Variants in NT5C2 observed in about 807,000 individuals in gnomAD.
The protein encoded by NT5C2 is 5'-nucleotidase, cytosolic II, also known as cytosolic purine 5'-nucleotidase.
NT5C2 carries 58 observed loss-of-function variants against 76.1 expected under a neutral mutation model. The ratio of observed to expected loss-of-function variants is 0.76; its 90% CI spans 0.62 to 0.95. NT5C2 has a LOEUF of 0.95. Ranked by LOEUF, NT5C2 falls within the 40% of genes least tolerant of loss-of-function variation. The pLI is 0.00. For synonymous variants in NT5C2, 229 were observed against 237.4 expected (o/e 0.96, Z 0.32); for missense variants, 478 against 690.3 (o/e 0.69, Z 3.45).
At chr10:103,183,262 GATATATATATATATATATATAT>G (rs201371414) in intron 1 of NT5C2, among the ~76,000 whole-genome samples, 13 of 73,342 alleles carry the variant, frequency 1.8e-4, no homozygotes, top group Admixed American at 1.6e-3. Flanking sequence ...GTGTGTGTGT[GATATATATATATATATATATAT>G]ATATATATAT....
chr10:103,113,592 A>T (rs915863516), intron 4 of NT5C2, among the ~76,000 whole-genome samples: 2 of 152,196 alleles, frequency 1.3e-5, no homozygotes, highest in African/African-American at 4.8e-5. Context: ...ACAGTGTACC[A>T]GGTACTAGAA....
rs2066227428 is a variant in NT5C2, at chr10:103,089,826, G to C, written c.1532C>G (p.Ser511Ter). The C allele has an allele frequency of 6.2e-7, 1 of 1,613,992 alleles. No individual in the cohort carries two copies. The highest frequency in any genetic ancestry group is 8.5e-7 in the Non-Finnish European group (1 of 1,180,022). The change falls in exon 19 of 19, where the codon TCA (serine) becomes TGA (stop). Residue 511 changes from serine to a stop codon, truncating the protein, a stop_gained. Transcript: ENST00000404739. LOFTEE classifies it high-confidence loss of function. ...GTAGTCAGTGTCTTTGAAATCCACT[G>C]ATGTGCGGTTCCGGGTGGCAAGAGG... ...ESPLATRNRT[S>*]VDFKDTDYKR... is the part of the protein sequence containing the mutation.
In NT5C2 at chr10:103,101,083, G is replaced by A. The variant is rs1308020986; in HGVS notation, c.501C>T (p.Cys167=). 1.3e-6 allele frequency: 2 copies of A among 1,588,596 alleles called. No individual in the cohort carries two copies. Among genetic ancestry groups the A allele is most frequent in the South Asian group, 1.1e-5 (1 of 90,602 alleles). ...FNLPETYLLA[C]LVDFFTNCPR... Reference sequence around the variant, plus strand: ...GACAATTAGTAAAAAAATCTACTAGGCAGGCCAACAGGTAGGTCTCTGAAA... The same window carrying A: ...GACAATTAGTAAAAAAATCTACTAGACAGGCCAACAGGTAGGTCTCTGAAA... The change falls in exon 8 of 19, where the codon TGC becomes TGT. Residue 167 remains cysteine (C), a synonymous_variant. Coordinates refer to ENST00000404739, the MANE Select transcript of NT5C2 (RefSeq NM_001351169.2).
rs188189733 is a variant in NT5C2 at position 103,114,031 on chromosome 10, G to A, written c.176-7325C>T. On this transcript the variant is annotated intron_variant, in intron 4 of 18. Transcript: ENST00000404739. ...AGGAAGTGGCTACTCAAGTGTAGCT[G>A]ACTTCCCTGAGGGAATGGGAGCCAA... Among the ~76,000 whole-genome samples the A allele has an allele frequency of 6.6e-5, 10 of 152,356 alleles. No individual in the cohort carries two copies. In the East Asian group the frequency reaches 1.9e-3, roughly 29 times the overall value.
intron 16 of NT5C2, 21 bp from the exon 17 acceptor site, chr10:103,091,017 CAG>C (rs754284835): frequency 1.2e-6 from 2 of 1,607,298 alleles, no homozygotes; most frequent in African/African-American, 1.3e-5. Flanking sequence ...AAGAAAAACT[CAG>C]TGAAAATCTC....
chr10:103,157,058 CTT>C (rs1020127000), intron 3 of NT5C2, among the ~76,000 whole-genome samples: 14 of 148,908 alleles, frequency 9.4e-5, no homozygotes, highest in Admixed American at 3.4e-4. Context: ...GTATATTACT[CTT>C]ATATATATTA....
In NT5C2 at chr10:103,088,986, T is replaced by G; in HGVS notation, c.*686A>C. 1 of 209,524 alleles carries G rather than the reference T, an allele frequency of 4.8e-6. No individual in the cohort carries two copies. The highest frequency in any genetic ancestry group is 7.3e-5 in the East Asian group (1 of 13,756). 13.0% of individuals were successfully genotyped at this position (209,524 alleles called of 1,614,324 possible). ...GATTTATCACAGATAAGAAGGAGGT[T>G]GTTTTTGGATAACAAATAAGCATTT... On this transcript the variant is annotated 3_prime_UTR_variant, in exon 19 of 19. Coordinates refer to ENST00000404739, the MANE Select transcript of NT5C2 (RefSeq NM_001351169.2).
intron 6 of NT5C2, among the ~76,000 whole-genome samples, chr10:103,103,195 T>C (rs1311582410): frequency 6.6e-6 from 1 of 152,222 alleles, no homozygotes; most frequent in Non-Finnish European, 1.5e-5. Flanking sequence ...CCTGGATTAA[T>C]TCCTGCCTGG....
intron 3 of NT5C2, among the ~76,000 whole-genome samples, chr10:103,154,596 G>A (rs973589966): frequency 2.0e-5 from 3 of 152,098 alleles, no homozygotes; most frequent in South Asian, 2.1e-4. Flanking sequence ...AAGCCTGAGC[G>A]TTTTAATCTA....
intron 4 of NT5C2, among the ~76,000 whole-genome samples, chr10:103,107,672 A>T (rs2071677813): frequency 6.9e-6 from 1 of 144,528 alleles, no homozygotes; most frequent in Non-Finnish European, 1.5e-5. Context: ...GACTCTGTCT[A>T]AAAAAAAAAA....
At chr10:103,177,458 G>T (rs2090203662) in intron 2 of NT5C2, among the ~76,000 whole-genome samples, 1 of 152,164 alleles carries the variant, frequency 6.6e-6, no homozygotes, top group African/African-American at 2.4e-5. Context: ...AACATCTGTA[G>T]CCTGTTATTT....
intron 4 of NT5C2, among the ~76,000 whole-genome samples, chr10:103,123,209 A>C (rs1434663309): frequency 1.3e-5 from 2 of 152,022 alleles, no homozygotes; most frequent in Non-Finnish European, 2.9e-5. Flanking sequence ...CAAAACCTCA[A>C]ACTCCTTGGC....
intron 2 of NT5C2, among the ~76,000 whole-genome samples, chr10:103,176,439 A>G (rs924945084): frequency 1.3e-5 from 2 of 151,794 alleles, no homozygotes; most frequent in Non-Finnish European, 2.9e-5. Flanking sequence ...TACTCCCCAA[A>G]TCCCTGAGCC....
At chr10:103,100,738 A>G (rs1303317402) in intron 8 of NT5C2, 1 of 549,142 alleles carries the variant, frequency 1.8e-6, no homozygotes, top group Non-Finnish European at 3.5e-6. Flanking sequence ...TGGACAGATA[A>G]TCATCACACA....
At chr10:103,191,900 G>A (rs1280256945) in intron 1 of NT5C2, among the ~76,000 whole-genome samples, 1 of 151,920 alleles carries the variant, frequency 6.6e-6, no homozygotes, top group Non-Finnish European at 1.5e-5. Context: ...CCTGCATGTG[G>A]AGTTTTTATT....
rs1268386695 is a variant in NT5C2, at chr10:103,170,820, C to T, written c.101+4038G>A. On this transcript the variant is annotated intron_variant, in intron 3 of 18. Coordinates refer to ENST00000404739, the MANE Select transcript of NT5C2 (RefSeq NM_001351169.2). ...TGGACTACAGGCGTGAACCACCATG[C>T]CCAGCCTATGATATATATTAAATAT... 1.8e-4 allele frequency among the ~76,000 whole-genome samples: 28 copies of T among 151,952 alleles called. 1 individual carries two copies. Among genetic ancestry groups the T allele is most frequent in the Admixed American group, 1.6e-3 (25 of 15,230 alleles).
At chr10:103,180,893 T>TA (rs1468273990) in intron 2 of NT5C2, among the ~76,000 whole-genome samples, 1 of 152,036 alleles carries the variant, frequency 6.6e-6, no homozygotes, top group Non-Finnish European at 1.5e-5. Flanking sequence ...TGCAAAACAT[T>TA]AAAAAATTCG....
intron 1 of NT5C2, among the ~76,000 whole-genome samples, chr10:103,191,445 C>T (rs1591979127): frequency 6.6e-6 from 1 of 150,386 alleles, no homozygotes; most frequent in Non-Finnish European, 1.5e-5. Context: ...GTTTTATGTA[C>T]TCCTCTTTCC....
At chr10:103,153,894 G>T in intron 3 of NT5C2, 1 of 649,516 alleles carries the variant, frequency 1.5e-6, no homozygotes, top group Non-Finnish European at 1.9e-6. Context: ...TATTTCCACA[G>T]CGAGGTATTT....
Sources: allele counts gnomAD v4.1 joint callset (sites outside exome capture counted in the v4.1 genomes callset), GRCh38; gene constraint gnomAD v4.1.1; transcripts MANE v1.5; gene names NCBI Gene and HGNC (gene_info 2026-07-23, HGNC 2026-07-21).